Variants in ST8SIA1 observed in about 807,000 individuals in gnomAD.
ST8SIA1 encodes the protein alpha-N-acetylneuraminide alpha-2,8-sialyltransferase.
A neutral mutation model predicts 35.9 loss-of-function variants in ST8SIA1; 16 were observed. The ratio of observed to expected loss-of-function variants is 0.45; its 90% CI spans 0.30 to 0.68. The LOEUF (loss-of-function observed/expected upper bound fraction) is 0.68. ST8SIA1 is among the 30% of genes least tolerant of loss of function. The probability of loss-of-function intolerance (pLI) is 0.09; values close to 1 mark genes in which losing one functional copy is unlikely to be tolerated. For synonymous variants in ST8SIA1, 170 were observed against 169.6 expected (o/e 1.00, Z -0.02); for missense variants, 383 against 453.6 (o/e 0.84, Z 1.41).
intron 1 of ST8SIA1, among the ~76,000 whole-genome samples, chr12:22,331,297 C>A (rs909854359): frequency 5.9e-5 from 9 of 152,210 alleles, no homozygotes; most frequent in Admixed American, 5.2e-4. Context: ...AGGAGGCAAT[C>A]TATCCATCCT....
intron 4 of ST8SIA1, among the ~76,000 whole-genome samples, chr12:22,241,263 A>G (rs1403477022): frequency 2.0e-5 from 3 of 152,042 alleles, no homozygotes; most frequent in Non-Finnish European, 4.4e-5. Context: ...GTAATCCCCA[A>G]TGTTGGAGGT....
chr12:22,306,770 T>C (rs901989047), intron 1 of ST8SIA1, among the ~76,000 whole-genome samples: 7 of 152,144 alleles, frequency 4.6e-5, no homozygotes, highest in Non-Finnish European at 1.0e-4. Flanking sequence ...CAGCCTTTTA[T>C]TGTTTCTTTA....
intron 2 of ST8SIA1, among the ~76,000 whole-genome samples, chr12:22,257,280 C>T (rs1039021260): frequency 4.1e-4 from 62 of 151,970 alleles, no homozygotes; most frequent in African/African-American, 1.4e-3. Flanking sequence ...GGCATGATCT[C>T]GGCTCACTGC....
intron 4 of ST8SIA1, among the ~76,000 whole-genome samples, chr12:22,241,668 T>C (rs1036738930): frequency 2.7e-5 from 4 of 148,892 alleles, no homozygotes; most frequent in Non-Finnish European, 5.9e-5. Flanking sequence ...AGTGGCGCGA[T>C]CTCTGCTCAC....
chr12:22,204,290 C>T (rs958466560), intron 4 of ST8SIA1, among the ~76,000 whole-genome samples: 9 of 152,086 alleles, frequency 5.9e-5, no homozygotes, highest in African/African-American at 1.9e-4. Flanking sequence ...AAATAAAAAT[C>T]GTGTATATTT....
chr12:22,312,123 T>G (rs1866457218), intron 1 of ST8SIA1, among the ~76,000 whole-genome samples: 1 of 152,068 alleles, frequency 6.6e-6, no homozygotes, highest in Non-Finnish European at 1.5e-5. Context: ...GGGTTAACAT[T>G]AATAAAACCC....
chr12:22,292,786 CT>C (rs1364281003), intron 1 of ST8SIA1, among the ~76,000 whole-genome samples: 1 of 152,118 alleles, frequency 6.6e-6, no homozygotes, highest in African/African-American at 2.4e-5. Flanking sequence ...GAAAAACGAC[CT>C]ATTGGGTACT....
chr12:22,298,199 A>G (rs1293560847), intron 1 of ST8SIA1, among the ~76,000 whole-genome samples: 2 of 152,214 alleles, frequency 1.3e-5, no homozygotes, highest in African/African-American at 4.8e-5. Context: ...CCTGTATAAT[A>G]AACAGTAAAT....
chr12:22,250,454 C>A (rs1245430725), intron 3 of ST8SIA1, among the ~76,000 whole-genome samples: 1 of 152,120 alleles, frequency 6.6e-6, no homozygotes, highest in Non-Finnish European at 1.5e-5. Flanking sequence ...ATGCCAAATG[C>A]GCCTATAGTT....
intron 2 of ST8SIA1, among the ~76,000 whole-genome samples, chr12:22,261,866 C>T (rs1865796272): frequency 6.6e-6 from 1 of 152,148 alleles, no homozygotes; most frequent in African/African-American, 2.4e-5. Context: ...TTTCATTGAG[C>T]ACCTAGTATG....
At position 22,201,466 on chromosome 12, in the gene ST8SIA1, T is replaced by G; in HGVS notation, c.*86A>C. On this transcript the variant is annotated 3_prime_UTR_variant, in exon 5 of 5. Transcript: ENST00000396037. Reference sequence around the variant, plus strand: ...TTTTCCAAGGGCCCATGCAAACTCATGAAACAACTTGACCATTCCCTCTTG... The same window carrying G: ...TTTTCCAAGGGCCCATGCAAACTCAGGAAACAACTTGACCATTCCCTCTTG... 6.7e-7 allele frequency: 1 copy of G among 1,496,670 alleles called. No homozygotes were observed. Among genetic ancestry groups the G allele is most frequent in the Non-Finnish European group, 8.9e-7 (1 of 1,122,002 alleles). 92.7% of individuals were successfully genotyped at this position (1,496,670 alleles called of 1,614,324 possible). A position where few individuals can be genotyped will look rare whatever the true frequency, so the allele number is the denominator to read the frequency against.
In ST8SIA1 at chr12:22,267,006, C is replaced by G. The variant is rs533933049; in HGVS notation, c.382-11617G>C. ...TGGTGTAGAAAACCATGAATAAAAT[C>G]CAACTCCATTTTTTCAGAAATGAAG... On this transcript the variant is annotated intron_variant, in intron 2 of 4. Coordinates refer to ENST00000396037, the MANE Select transcript of ST8SIA1 (RefSeq NM_003034.4). Among the ~76,000 whole-genome samples, 6 of 152,180 alleles carry G rather than the reference C, an allele frequency of 3.9e-5. No homozygotes were observed. The East Asian group carries it at 1.2e-3, about 29-fold the overall frequency.
intron 1 of ST8SIA1, among the ~76,000 whole-genome samples, chr12:22,298,661 C>G (rs1866277916): frequency 6.6e-6 from 1 of 152,176 alleles, no homozygotes; most frequent in Non-Finnish European, 1.5e-5. Context: ...TGATCATAGA[C>G]ATAAACAAAG....
intron 1 of ST8SIA1, among the ~76,000 whole-genome samples, chr12:22,315,779 A>AAAG (rs1866511151): frequency 6.6e-6 from 1 of 151,992 alleles, no homozygotes; most frequent in African/African-American, 2.4e-5. Context: ...TAAAAAAAAA[A>AAAG]AAAAAAAAAA....
intron 4 of ST8SIA1, among the ~76,000 whole-genome samples, chr12:22,222,352 T>C (rs1865309338): frequency 6.6e-6 from 1 of 152,176 alleles, no homozygotes; most frequent in South Asian, 2.1e-4. Context: ...AGGGAAAAAC[T>C]GTAGACAGTA....
intron 1 of ST8SIA1, among the ~76,000 whole-genome samples, chr12:22,332,562 C>G (rs779808775): frequency 5.3e-5 from 8 of 152,100 alleles, no homozygotes; most frequent in Admixed American, 2.6e-4. Context: ...ACAATCAATA[C>G]TGTGAAGGAA....
At chr12:22,224,037 T>G (rs908909239) in intron 4 of ST8SIA1, among the ~76,000 whole-genome samples, 1 of 152,190 alleles carries the variant, frequency 6.6e-6, no homozygotes, top group Non-Finnish European at 1.5e-5. Context: ...AAAGAAAGGT[T>G]GTACTAATTT....
At chr12:22,259,172 A>G (rs2135798815) in intron 2 of ST8SIA1, among the ~76,000 whole-genome samples, 1 of 152,298 alleles carries the variant, frequency 6.6e-6, no homozygotes, top group African/African-American at 2.4e-5. Flanking sequence ...ACGGTAAAAC[A>G]GTAATTTAAC....
intron 4 of ST8SIA1, among the ~76,000 whole-genome samples, chr12:22,245,032 A>C (rs920597923): frequency 6.6e-6 from 1 of 152,124 alleles, no homozygotes. Context: ...ACATTGTCTT[A>C]ATTATAATAG....
Sources: allele counts gnomAD v4.1 joint callset (sites outside exome capture counted in the v4.1 genomes callset), GRCh38; gene constraint gnomAD v4.1.1; transcripts MANE v1.5; gene names NCBI Gene and HGNC (gene_info 2026-07-23, HGNC 2026-07-21).